BRWD1: variants seen among roughly 807,000 people sequenced by gnomAD.
The protein encoded by BRWD1 is bromodomain and WD repeat-containing protein 1.
Under a neutral mutation model 251.2 loss-of-function variants are expected in BRWD1, and 82 were observed. The ratio of observed to expected loss-of-function variants is 0.33; its 90% CI spans 0.27 to 0.39. The LOEUF (loss-of-function observed/expected upper bound fraction) is 0.39. Among genes scored for constraint, BRWD1 ranks in the 10% least tolerant of loss-of-function variants. The pLI, the probability that BRWD1 is intolerant of heterozygous loss-of-function variation, is 1.00. For synonymous variants in BRWD1, 918 were observed against 902.8 expected (o/e 1.02, Z -0.30); for missense variants, 2,233 against 2,711.6 (o/e 0.82, Z 3.92).
rs541983662 is a variant in BRWD1 at position 39,254,215 on chromosome 21, A to G, written c.2255+1430T>C. On this transcript the variant is annotated intron_variant, in intron 19 of 40. Coordinates refer to ENST00000342449, the MANE Select transcript of BRWD1 (RefSeq NM_033656.4). ...CGGAGGCAGAGGTTGCAGTGAGCCA[A>G]GATCGTGCCATTGCACTCCAGCCTG... Among the ~76,000 whole-genome samples, 69 of 152,364 alleles carry G rather than the reference A, an allele frequency of 4.5e-4. 1 individual carries two copies. Among genetic ancestry groups the G allele is most frequent in the Middle Eastern group, 3.4e-3 (1 of 294 alleles).
intron 18 of BRWD1, among the ~76,000 whole-genome samples, 184 bp downstream of exon 18, chr21:39,258,303 C>A (rs2034626661): frequency 1.3e-5 from 2 of 152,124 alleles, no homozygotes; most frequent in African/African-American, 4.8e-5. Flanking sequence ...ACTTGAAATT[C>A]AAAGACCCAT....
At position 39,210,002 on chromosome 21, in the gene BRWD1, C is replaced by T; in HGVS notation, c.4190G>A (p.Arg1397Lys). The T allele has an allele frequency of 1.2e-6, 2 of 1,609,906 alleles. No homozygotes were observed. The highest frequency in any genetic ancestry group is 2.2e-5 in the South Asian group (2 of 90,484). The change falls in exon 36 of 41, where the codon AGA (arginine) becomes AAA (lysine). Residue 1397 changes from arginine (R) to lysine (K), a missense_variant. Around this residue, in one of 12 missense-constraint regions of BRWD1, gnomAD observed 69 missense variants for 101.6 expected, o/e 0.68. Coordinates refer to ENST00000342449, the MANE Select transcript of BRWD1 (RefSeq NM_033656.4). The stretch of plus-strand genomic sequence containing the variant: ...AACCACATAAAAAATTACCTTTGAT[C>T]TTTTGTTTGGTGTATACGCTTTTGC... ...SNAKAYTPNKRSKIYSMTLRL... is the reference protein window; with the variant it reads ...SNAKAYTPNKKSKIYSMTLRL...
At position 39,270,327 on chromosome 21, in the gene BRWD1, T is replaced by G; in HGVS notation, c.1351A>C (p.Lys451Gln). The G allele has an allele frequency of 1.2e-6, 2 of 1,611,484 alleles. No individual in the cohort carries two copies. The highest frequency in any genetic ancestry group is 1.7e-6 in the Non-Finnish European group (2 of 1,178,906). The change falls in exon 14 of 41, where the codon AAA becomes CAA. Residue 451 changes from lysine to glutamine, a missense_variant. Lys to Gln is a moderately conservative substitution (Grantham distance 53, BLOSUM62 1). Transcript: ENST00000342449. ...TGTCCAGTGTAAGAATTCCACACTT[T>G]GAGGACATGATCATTCACAGCTGTG... is the stretch of plus-strand genomic sequence containing the variant. ...VVTAVNDHVL[K>Q]VWNSYTGQLL... is the part of the protein sequence containing the mutation.
Position 39,259,183 on chromosome 21 carries a change from G to A in BRWD1, c.1886-511C>T, listed in dbSNP as rs540338720. Among the ~76,000 whole-genome samples the A allele has an allele frequency of 5.3e-5, 8 of 152,228 alleles. No homozygotes were observed. The South Asian group carries it at 1.5e-3, about 28-fold the overall frequency. ...CTCTCCCTCTGCCCCAAGAGTCCTCGGAGAACAGTGCAATTGATGGTGGTA... is the reference window on the plus strand; with the variant it reads ...CTCTCCCTCTGCCCCAAGAGTCCTCAGAGAACAGTGCAATTGATGGTGGTA... On this transcript the variant is annotated intron_variant, in intron 17 of 40. Transcript: ENST00000342449.
chr21:39,311,115 G>A (rs547781600), intron 4 of BRWD1, among the ~76,000 whole-genome samples: 5 of 151,680 alleles, frequency 3.3e-5, no homozygotes, highest in Admixed American at 3.3e-4. Context: ...TTAAACAATA[G>A]TAAGTAGGGT....
chr21:39,224,837 G>A (rs2836946), intron 28 of BRWD1, among the ~76,000 whole-genome samples: 20,332 of 152,010 alleles, frequency 0.13, 1,331 homozygotes, highest in African/African-American at 0.15. Context: ...CTGACAATAC[G>A]AGGTAAAGGA....
chr21:39,289,426 T>C (rs1220261820), intron 8 of BRWD1, among the ~76,000 whole-genome samples: 1 of 152,224 alleles, frequency 6.6e-6, no homozygotes, highest in African/African-American at 2.4e-5. Flanking sequence ...ACTTATCTTA[T>C]ACAGCCAATG....
chr21:39,287,192 A>G, intron 8 of BRWD1, among the ~76,000 whole-genome samples: 1 of 152,358 alleles, frequency 6.6e-6, no homozygotes, highest in East Asian at 1.9e-4. Flanking sequence ...AAATTTCTCA[A>G]GCATCCTTTA....
chr21:39,246,583 A>G (rs1275545266), intron 21 of BRWD1, among the ~76,000 whole-genome samples: 1 of 152,264 alleles, frequency 6.6e-6, no homozygotes, highest in Non-Finnish European at 1.5e-5. Context: ...CACTATTCAT[A>G]ACAGCCAAAA....
chr21:39,274,812 TG>T (rs898005959), intron 12 of BRWD1, among the ~76,000 whole-genome samples: 1 of 152,082 alleles, frequency 6.6e-6, no homozygotes, highest in Non-Finnish European at 1.5e-5. Flanking sequence ...GAGGCCAAGG[TG>T]GGTGGATCAC....
intron 36 of BRWD1, among the ~76,000 whole-genome samples, chr21:39,208,278 G>GA (rs964452677): frequency 4.6e-5 from 7 of 151,614 alleles, no homozygotes; most frequent in South Asian, 2.1e-4. Flanking sequence ...TTTTGTCGCT[G>GA]AAAAAAAACA....
At chr21:39,238,429 C>T (rs750469910) in intron 22 of BRWD1, 50 bp downstream of exon 22, 2 of 1,455,180 alleles carry the variant, frequency 1.4e-6, no homozygotes, top group Non-Finnish European at 9.6e-7. Flanking sequence ...TGATTCCATC[C>T]AAGACTATGA....
In BRWD1 at chr21:39,225,024, T is replaced by G; in HGVS notation, c.3320+62A>C. 5.7e-6 allele frequency: 7 copies of G among 1,227,794 alleles called. No homozygotes were observed. The South Asian group carries it at 8.7e-5, about 15-fold the overall frequency. 76.1% of individuals were successfully genotyped at this position (1,227,794 alleles called of 1,614,324 possible). A position where few individuals can be genotyped will look rare whatever the true frequency, so the allele number is the denominator to read the frequency against. ...TTTTTAAAAACCAGAAATGTATTATTTATACAGCAACCTGCCACACTGAAT... is the reference window on the plus strand; with the variant it reads ...TTTTTAAAAACCAGAAATGTATTATGTATACAGCAACCTGCCACACTGAAT... On this transcript the variant is annotated intron_variant, in intron 28 of 40. Coordinates refer to ENST00000342449, the MANE Select transcript of BRWD1 (RefSeq NM_033656.4).
intron 7 of BRWD1, among the ~76,000 whole-genome samples, chr21:39,294,529 C>T (rs1568963612): frequency 6.6e-6 from 1 of 152,050 alleles, no homozygotes; most frequent in Non-Finnish European, 1.5e-5. Flanking sequence ...GTGGCTGGCA[C>T]CTGTAGTCCC....
rs150491730 is a variant in BRWD1 at position 39,268,730 on chromosome 21, T to C, written c.1530+1169A>G. 2.9e-3 allele frequency among the ~76,000 whole-genome samples: 436 copies of C among 152,274 alleles called. 2 individuals are homozygous for C. The highest frequency in any genetic ancestry group is 1.0e-2 in the African/African-American group (414 of 41,578). On this transcript the variant is annotated intron_variant, in intron 15 of 40. Transcript: ENST00000342449. ...GGCCAGGCACAGTGGCTCACGCCTG[T>C]AATCCCAACACTTTGGGAGGCCAAG...
chr21:39,228,302 C>T (rs939470996), intron 27 of BRWD1, among the ~76,000 whole-genome samples, 198 bp downstream of exon 27: 2 of 151,954 alleles, frequency 1.3e-5, no homozygotes, highest in Admixed American at 1.3e-4. Flanking sequence ...GCCCACCGTC[C>T]CCCGGCCCCT....
At chr21:39,302,772 A>G (rs932619030) in intron 4 of BRWD1, among the ~76,000 whole-genome samples, 1 of 150,806 alleles carries the variant, frequency 6.6e-6, no homozygotes, top group Non-Finnish European at 1.5e-5. Flanking sequence ...AAAAAAAAAA[A>G]AGTAAGGCCA....
Position 39,194,035 on chromosome 21 carries a change from G to A in BRWD1, c.*2224C>T, listed in dbSNP as rs115459607. The A allele has an allele frequency of 4.1e-6, 4 of 985,322 alleles. No homozygotes were observed. In the African/African-American group the frequency reaches 7.0e-5, roughly 17 times the overall value. The allele number at this position is 985,322 out of a possible 1,614,324, so 61.0% of individuals were successfully genotyped here. On this transcript the variant is annotated 3_prime_UTR_variant, in exon 41 of 41. Coordinates refer to ENST00000342449, the MANE Select transcript of BRWD1 (RefSeq NM_033656.4). ...TAAAGACATCAGGTCCATTCTTGCT[G>A]CTTCTGATGAAACCAAATCTGATTA...
intron 35 of BRWD1, 108 bp downstream of exon 35, chr21:39,210,678 G>T: frequency 7.5e-7 from 1 of 1,341,742 alleles, no homozygotes. Flanking sequence ...GAGCAAAAAA[G>T]TTAACATAAA....
Sources: allele counts gnomAD v4.1 joint callset (sites outside exome capture counted in the v4.1 genomes callset), GRCh38; gene constraint gnomAD v4.1.1; regional missense constraint gnomAD v4.1.1; transcripts MANE v1.5; gene names NCBI Gene and HGNC (gene_info 2026-07-23, HGNC 2026-07-21).